The following PRKG1 variants were observed in gnomAD, a reference collection of about 807,000 sequenced individuals.
The protein encoded by PRKG1 is protein kinase cGMP-dependent 1.
PRKG1 carries 35 observed loss-of-function variants against 88.1 expected under a neutral mutation model. The observed-to-expected ratio is 0.40, with a 90% CI of 0.30 to 0.53. The LOEUF (loss-of-function observed/expected upper bound fraction) is 0.53. PRKG1 is among the 20% of genes least tolerant of loss of function. The pLI, the probability that PRKG1 is intolerant of heterozygous loss-of-function variation, is 0.59. For synonymous variants in PRKG1, 303 were observed against 292.5 expected, an observed-to-expected ratio of 1.04 and a Z score of -0.37; for missense variants, 540 against 839.8, an observed-to-expected ratio of 0.64 and a Z score of 4.41.
chr10:52,046,040 A>G (rs1159956920), intron 5 of PRKG1, among the ~76,000 whole-genome samples: 2 of 152,116 alleles, frequency 1.3e-5, no homozygotes, highest in African/African-American at 4.8e-5. Flanking sequence ...CTTCTCATCC[A>G]CAGGACATTA....
chr10:51,476,462 G>A (rs111333548), intron 3 of PRKG1, among the ~76,000 whole-genome samples: 206 of 152,132 alleles, frequency 1.4e-3, no homozygotes, highest in Non-Finnish European at 1.0e-3. Flanking sequence ...CTGCCTCATT[G>A]ATAAATACTC....
chr10:52,111,070 C>T (rs929290724), intron 7 of PRKG1, among the ~76,000 whole-genome samples: 3 of 151,890 alleles, frequency 2.0e-5, no homozygotes, highest in Non-Finnish European at 4.4e-5. Context: ...CCATTTTTAC[C>T]GATAGGTAAA....
At chr10:51,047,901 G>T (rs1344603967) in intron 1 of PRKG1, among the ~76,000 whole-genome samples, 1 of 152,070 alleles carries the variant, frequency 6.6e-6, no homozygotes, top group Non-Finnish European at 1.5e-5. Context: ...AACATGCTTG[G>T]CCTGCTTTAT....
In PRKG1 at chr10:51,903,431, A is replaced by G. The variant is rs372109863; in HGVS notation, c.699-4076A>G. On this transcript the variant is annotated intron_variant, in intron 4 of 17. Coordinates refer to ENST00000373980, the MANE Select transcript of PRKG1 (RefSeq NM_006258.4). ...GAATGTTTTTATTTTTAGGATGTGT[A>G]TGCTGAAGTATTGAAATTGTTTCAT... Among the ~76,000 whole-genome samples, 42 of 152,290 alleles carry G rather than the reference A, an allele frequency of 2.8e-4. No homozygotes were observed. The East Asian group carries it at 3.9e-3, about 14-fold the overall frequency.
At chr10:52,120,864 C>A (rs1280844315) in intron 7 of PRKG1, among the ~76,000 whole-genome samples, 1 of 152,180 alleles carries the variant, frequency 6.6e-6, no homozygotes, top group East Asian at 1.9e-4. Context: ...CTAGGCATTG[C>A]CCTAGCAGTG....
chr10:52,109,408 A>T (rs565878008), intron 7 of PRKG1, among the ~76,000 whole-genome samples: 33 of 152,366 alleles, frequency 2.2e-4, no homozygotes, highest in African/African-American at 7.7e-4. Flanking sequence ...TTAGGAAAAT[A>T]CAGGGTTTGA....
At chr10:51,564,305 T>A (rs1837546194) in intron 3 of PRKG1, among the ~76,000 whole-genome samples, 1 of 152,094 alleles carries the variant, frequency 6.6e-6, no homozygotes, top group Admixed American at 6.6e-5. Context: ...ATAAGGAGAT[T>A]GTATTCTATT....
intron 3 of PRKG1, among the ~76,000 whole-genome samples, chr10:51,771,121 C>A (rs1251228867): frequency 6.6e-6 from 1 of 152,088 alleles, no homozygotes; most frequent in Non-Finnish European, 1.5e-5. Flanking sequence ...GGTGCAAAAG[C>A]AGTTGCGAGT....
chr10:52,224,595 A>C (rs201922196), intron 9 of PRKG1, among the ~76,000 whole-genome samples: 181 of 20,026 alleles, frequency 9.0e-3, no homozygotes, highest in East Asian at 0.025. Context: ...CCTTCGCCCC[A>C]CCTCCGACTC....
chr10:51,353,983 G>A (rs559764146), intron 2 of PRKG1, among the ~76,000 whole-genome samples: 4 of 152,246 alleles, frequency 2.6e-5, no homozygotes, highest in African/African-American at 9.6e-5. Flanking sequence ...ATGAGATCCA[G>A]TCATTTACAA....
At chr10:52,027,777 C>A (rs1434432969) in intron 5 of PRKG1, among the ~76,000 whole-genome samples, 1 of 150,660 alleles carries the variant, frequency 6.6e-6, no homozygotes, top group East Asian at 1.9e-4. Context: ...GCTGTTCTAT[C>A]TTTATTATTA....
intron 5 of PRKG1, among the ~76,000 whole-genome samples, chr10:52,023,743 G>A (rs12359611): frequency 0.24 from 36,010 of 152,090 alleles, 4,819 homozygotes; most frequent in Admixed American, 0.31. Flanking sequence ...CATATCCTTC[G>A]CTCACTTTTT....
chr10:51,344,689 A>G (rs993756418), intron 2 of PRKG1, among the ~76,000 whole-genome samples: 1 of 152,120 alleles, frequency 6.6e-6, no homozygotes, highest in Non-Finnish European at 1.5e-5. Context: ...TGTCTTATAA[A>G]TGTAATATAA....
chr10:51,693,348 T>TA (rs1384580843), intron 3 of PRKG1, among the ~76,000 whole-genome samples: 4 of 151,840 alleles, frequency 2.6e-5, no homozygotes, highest in African/African-American at 4.8e-5. Flanking sequence ...TAATAGTATT[T>TA]AATAAGCACC....
chr10:51,083,116 C>T (rs982102679), intron 1 of PRKG1, among the ~76,000 whole-genome samples: 3 of 152,164 alleles, frequency 2.0e-5, no homozygotes, highest in African/African-American at 7.2e-5. Context: ...GCAGTGGAGC[C>T]AGGCAGCTTC....
chr10:52,251,851 G>T (rs762934662), intron 10 of PRKG1, 185 bp downstream of exon 10: 1 of 520,078 alleles, frequency 1.9e-6, no homozygotes. Flanking sequence ...GCTAAATTAT[G>T]CAGTCAACGA....
chr10:51,380,961 C>T (rs1401811931), intron 2 of PRKG1, among the ~76,000 whole-genome samples: 1 of 152,022 alleles, frequency 6.6e-6, no homozygotes, highest in Non-Finnish European at 1.5e-5. Context: ...CTACCAGACA[C>T]CCATCTTGCA....
At chr10:51,471,411 C>G (rs1840046357) in intron 3 of PRKG1, among the ~76,000 whole-genome samples, 1 of 151,838 alleles carries the variant, frequency 6.6e-6, no homozygotes, top group Admixed American at 6.6e-5. Context: ...GAATGTCTCA[C>G]ATGTTGTTTG....
At chr10:51,775,724 A>G (rs1025828757) in intron 3 of PRKG1, among the ~76,000 whole-genome samples, 3 of 151,926 alleles carry the variant, frequency 2.0e-5, no homozygotes, top group Non-Finnish European at 4.4e-5. Flanking sequence ...AGCTATGTTT[A>G]CAAGCACCCA....
Sources: allele counts gnomAD v4.1 joint callset (sites outside exome capture counted in the v4.1 genomes callset), GRCh38; gene constraint gnomAD v4.1.1; transcripts MANE v1.5; gene names NCBI Gene and HGNC (gene_info 2026-07-23, HGNC 2026-07-21).